Variants in EMSY observed in about 807,000 individuals in gnomAD.
EMSY encodes EMSY transcriptional repressor, BRCA2 interacting.
In EMSY, 26 loss-of-function variants were observed where a neutral mutation model predicts 134.6. That is an observed-to-expected ratio of 0.19 (90% CI 0.14 to 0.27). The LOEUF (loss-of-function observed/expected upper bound fraction) is 0.27, where lower values mean the gene tolerates loss of function less well. Ranked by LOEUF, EMSY falls within the 10% of genes least tolerant of loss-of-function variation. EMSY has a pLI of 1.00. For synonymous variants in EMSY, 579 were observed against 577.8 expected, an observed-to-expected ratio of 1.00 and a Z score of -0.03; for missense variants, 1,305 against 1,611.4, an observed-to-expected ratio of 0.81 and a Z score of 3.26.
At chr11:76,494,655 CT>C (rs1565314622) in intron 8 of EMSY, among the ~76,000 whole-genome samples, 6 of 1,562 alleles carry the variant, frequency 3.8e-3, no homozygotes, top group South Asian at 0.036. Context: ...CTTTCCCTTC[CT>C]TCCTTCCTTC....
downstream of EMSY, chr11:76,552,228 G>A (rs1224151553): frequency 6.6e-6 from 1 of 152,070 alleles, no homozygotes; most frequent in Non-Finnish European, 1.5e-5. Flanking sequence ...GTGCACTGGG[G>A]ATACCATAGT....
At chr11:76,542,405 G>T (rs903815845) in intron 18 of EMSY, 38 bp downstream of exon 19, 2 of 1,591,494 alleles carry the variant, frequency 1.3e-6, no homozygotes, top group African/African-American at 1.3e-5. Context: ...TTCTGCAACT[G>T]CCCATGCTTG....
chr11:76,547,729 A>G lies in EMSY; in HGVS notation c.3774+1432A>G, dbSNP rs369578804. Among the ~76,000 whole-genome samples the G allele has an allele frequency of 7.4e-4, 112 of 152,364 alleles. No individual in the cohort carries two copies. In the South Asian group the frequency reaches 0.02, roughly 27 times the overall value. ...ATGCCTACTGGGGGCTTAGATTCCT[A>G]TACTCACTAAATTAAAAATCATTTT... is the stretch of plus-strand genomic sequence containing the variant. On this transcript the variant is annotated intron_variant, in intron 20 of 20. Transcript: ENST00000334736.
At chr11:76,528,384 A>G (rs1462834674) in exon 14 of EMSY, 3 of 1,612,538 alleles carry the variant, frequency 1.9e-6, no homozygotes, top group East Asian at 2.2e-5. Context: ...CTGGTAATTC[A>G]TCTATTCAGG....
Position 76,458,065 on chromosome 11 carries a change from C to T in EMSY, c.246-118C>T, listed in dbSNP as rs925034012. The T allele has an allele frequency of 1.5e-5, 12 of 813,268 alleles. No individual in the cohort carries two copies. In the South Asian group the frequency reaches 2.9e-4, roughly 19 times the overall value. 50.4% of individuals were successfully genotyped at this position (813,268 alleles called of 1,614,324 possible). A position where few individuals can be genotyped will look rare whatever the true frequency, so the allele number is the denominator to read the frequency against. ...ATCTTGCTTGCTTAAAATAAAGCCTCTCCTATTCACTCAGGGCACTTTTTA... is the reference window on the plus strand; with the variant it reads ...ATCTTGCTTGCTTAAAATAAAGCCTTTCCTATTCACTCAGGGCACTTTTTA... On this transcript the variant is annotated intron_variant, in intron 4 of 20. Coordinates refer to ENST00000334736, the Ensembl canonical transcript of EMSY.
chr11:76,516,253 T>C (rs1950446609), exon 11 of EMSY: 1 of 1,613,122 alleles, frequency 6.2e-7, no homozygotes, highest in Non-Finnish European at 8.5e-7. Flanking sequence ...ATCATTACAG[T>C]AGTACCCAAA....
At chr11:76,517,569 G>C (rs1950492675) in intron 11 of EMSY, among the ~76,000 whole-genome samples, 1 of 152,154 alleles carries the variant, frequency 6.6e-6, no homozygotes, top group African/African-American at 2.4e-5. Context: ...TAGCTTGAAG[G>C]AATGTTTGGA....
chr11:76,467,004 C>T (rs1277883946), intron 7 of EMSY, among the ~76,000 whole-genome samples: 1 of 152,120 alleles, frequency 6.6e-6, no homozygotes, highest in African/African-American at 2.4e-5. Flanking sequence ...TTTATTTACA[C>T]TGTTGATTAA....
At chr11:76,542,746 G>A (rs2513512) in intron 18 of EMSY, among the ~76,000 whole-genome samples, 18 of 55,708 alleles carry the variant, frequency 3.2e-4, no homozygotes, top group African/African-American at 7.4e-4. Context: ...TTTGTTTTTC[G>A]TTTTTTGTTT....
At chr11:76,526,407 A>T (rs1950848132) in intron 12 of EMSY, 55 bp from the exon 14 acceptor site, 1 of 1,316,630 alleles carries the variant, frequency 7.6e-7, no homozygotes, top group East Asian at 2.6e-5. Context: ...CAGTGAGAGG[A>T]CTTTATCATT....
chr11:76,496,417 G>T, exon 9 of EMSY: 1 of 1,614,146 alleles, frequency 6.2e-7, no homozygotes, highest in Non-Finnish European at 8.5e-7. Context: ...AGCCTCAGCA[G>T]TCTCCTTTGC....
At chr11:76,473,988 G>A (rs904266212) in intron 8 of EMSY, among the ~76,000 whole-genome samples, 2 of 151,730 alleles carry the variant, frequency 1.3e-5, no homozygotes, top group African/African-American at 4.8e-5. Flanking sequence ...AAATTAGCCG[G>A]GCATGGTAGT....
intron 17 of EMSY, among the ~76,000 whole-genome samples, chr11:76,540,867 T>A (rs1026239999): frequency 2.0e-5 from 3 of 152,242 alleles, no homozygotes; most frequent in Non-Finnish European, 2.9e-5. Flanking sequence ...TATCTGTTTC[T>A]AATTCAAAGG....
At chr11:76,473,307 C>CTT (rs1047731490) in intron 8 of EMSY, among the ~76,000 whole-genome samples, 1 of 146,838 alleles carries the variant, frequency 6.8e-6, no homozygotes, top group Non-Finnish European at 1.5e-5. Context: ...TTTTTCTTTT[C>CTT]TTTTTTTTTT....
Position 76,518,704 on chromosome 11 carries a change from T to TATA in EMSY, c.1684+2392_1684+2393insATA, listed in dbSNP as rs1555068832. ...GCGCGCATATATATATATATATATA[T>TATA]TTTTTTTTTAATTGGGATCTAATAT... On this transcript the variant is annotated intron_variant, in intron 11 of 20. Coordinates refer to ENST00000334736, the Ensembl canonical transcript of EMSY. Among the ~76,000 whole-genome samples the TATA allele has an allele frequency of 4.1e-4, 32 of 78,322 alleles. No homozygotes were observed. The East Asian group carries it at 4.2e-3, about 10-fold the overall frequency. 51.4% of individuals were successfully genotyped at this position (78,322 alleles called of 152,430 possible). A position where few individuals can be genotyped will look rare whatever the true frequency, so the allele number is the denominator to read the frequency against.
chr11:76,528,239 A>G, intron 13 of EMSY, 29 bp from the exon 15 acceptor site: 1 of 1,577,504 alleles, frequency 6.3e-7, no homozygotes, highest in Non-Finnish European at 8.7e-7. Flanking sequence ...CTAAAATTTT[A>G]TCTCAGTATA....
At chr11:76,474,581 C>A (rs1458354320) in intron 8 of EMSY, among the ~76,000 whole-genome samples, 1 of 152,088 alleles carries the variant, frequency 6.6e-6, no homozygotes, top group Non-Finnish European at 1.5e-5. Context: ...CACTCTGCAG[C>A]TGTTATAGTA....
intron 19 of EMSY, among the ~76,000 whole-genome samples, chr11:76,545,031 A>T (rs1486783614): frequency 6.6e-6 from 1 of 152,226 alleles, no homozygotes; most frequent in Non-Finnish European, 1.5e-5. Flanking sequence ...AAAAAAGCAT[A>T]GCACTCAAAA....
downstream of EMSY, chr11:76,551,637 G>A (rs1951839696): frequency 6.6e-6 from 1 of 152,324 alleles, no homozygotes; most frequent in African/African-American, 2.4e-5. Flanking sequence ...CCCATAGATG[G>A]AGCTGTTGGA....
Sources: allele counts gnomAD v4.1 joint callset (sites outside exome capture counted in the v4.1 genomes callset), GRCh38; gene constraint gnomAD v4.1.1; transcripts MANE v1.5; gene names NCBI Gene and HGNC (gene_info 2026-07-23, HGNC 2026-07-21).